Variants in LRRC36 observed in about 807,000 individuals in gnomAD.
LRRC36 encodes leucine rich repeat containing 36.
In LRRC36, 62 loss-of-function variants were observed where a neutral mutation model predicts 81.1. The observed-to-expected ratio is 0.76, with a 90% confidence interval of 0.62 to 0.94. The LOEUF is 0.94. Ranked by LOEUF, LRRC36 falls within the 40% of genes least tolerant of loss-of-function variation. The pLI, the probability that LRRC36 is intolerant of heterozygous loss-of-function variation, is 0.00. For missense variants in LRRC36, 761 were observed against 881.7 expected, an observed-to-expected ratio of 0.86 and a Z score of 1.73; for synonymous variants, 334 against 348.6, an observed-to-expected ratio of 0.96 and a Z score of 0.47.
At chr16:67,372,471 T>G (rs1430085908) in intron 9 of LRRC36, among the ~76,000 whole-genome samples, 1 of 152,250 alleles carries the variant, frequency 6.6e-6, no homozygotes, top group Non-Finnish European at 1.5e-5. Context: ...CATACATCCC[T>G]TGTGGAGAAT....
intron 5 of LRRC36, chr16:67,362,152 C>CGTTTT (rs775184001): frequency 1.3e-5 from 6 of 451,458 alleles, no homozygotes; most frequent in South Asian, 3.1e-5. Flanking sequence ...TGTTCTAATA[C>CGTTTT]GTTTTGTTTT....
chr16:67,338,332 G>T (rs942025494), intron 1 of LRRC36, among the ~76,000 whole-genome samples: 1 of 152,014 alleles, frequency 6.6e-6, no homozygotes, highest in Non-Finnish European at 1.5e-5. Flanking sequence ...TTAATGTTTT[G>T]TTTAAAAGAA....
Position 67,341,005 on chromosome 16 carries a change from ATG to A in LRRC36, c.71-950_71-949del, listed in dbSNP as rs200523500. Among the ~76,000 whole-genome samples, 18 of 92,970 alleles carry A rather than the reference ATG, an allele frequency of 1.9e-4. 3 individuals are homozygous for A. The highest frequency in any genetic ancestry group is 1.9e-3 in the African/African-American group (17 of 9,178). 61.0% of individuals were successfully genotyped at this position (92,970 alleles called of 152,430 possible). The stretch of plus-strand genomic sequence containing the variant: ...AGAATATGTATATTATATATAGAAT[ATG>A]TATTCTATAGAATATGTACTCTACA... On this transcript the variant is annotated intron_variant, in intron 1 of 13. Coordinates refer to ENST00000329956, the MANE Select transcript of LRRC36 (RefSeq NM_018296.6).
At chr16:67,333,512 C>T (rs2037600790) in intron 1 of LRRC36, among the ~76,000 whole-genome samples, 1 of 152,006 alleles carries the variant, frequency 6.6e-6, no homozygotes, top group Non-Finnish European at 1.5e-5. Context: ...ATATATAGTT[C>T]CAGAACATTT....
Position 67,347,540 on chromosome 16 carries a change from AT to A in LRRC36, c.441del (p.Phe147LeufsTer12). On this transcript the variant is annotated frameshift_variant, in exon 4 of 14. Coordinates refer to ENST00000329956, the MANE Select transcript of LRRC36 (RefSeq NM_018296.6). LOFTEE classifies it high-confidence loss of function. The part of the protein sequence containing the change: ...REGERKAAKL[H>X]FSQLGNSENF... ...GGTGAGAGAAAAGCTGCCAAGCTGCATTTTAGTCAGTTGGGCAACAGTGAAA... is the reference window on the plus strand; with the variant it reads ...GGTGAGAGAAAAGCTGCCAAGCTGCATTTAGTCAGTTGGGCAACAGTGAAA... The A allele has an allele frequency of 1.2e-6, 2 of 1,613,210 alleles. No homozygotes were observed. The highest frequency in any genetic ancestry group is 1.7e-6 in the Non-Finnish European group (2 of 1,179,274).
In LRRC36 at chr16:67,376,850, C is replaced by T. The variant is rs770307124; in HGVS notation, c.1784C>T (p.Ala595Val). Residue 595 changes from alanine (A) to valine (V), a missense_variant, in exon 11 of 14, where the codon GCG (alanine) becomes GTG (valine). This residue lies in a region of LRRC36 where 359 missense variants were observed against 388.4 expected (regional missense o/e 0.92). Transcript: ENST00000329956. ...AGGGAGCTTGAACTGAAGGAGGCTG[C>T]GCAGCTGGTCCCTAATGACATGGTA... ...CRRELELKEA[A>V]QLVPNDMESL... is the part of the protein sequence containing the mutation. 26 of 1,612,726 alleles carry T rather than the reference C, an allele frequency of 1.6e-5. No homozygotes were observed. Among genetic ancestry groups the T allele is most frequent in the African/African-American group, 2.7e-5 (2 of 74,906 alleles).
chr16:67,331,273 C>A (rs867001085), intron 1 of LRRC36, among the ~76,000 whole-genome samples: 21 of 152,194 alleles, frequency 1.4e-4, no homozygotes, highest in African/African-American at 4.3e-4. Context: ...CTGGGCATGG[C>A]GGCTTACACA....
chr16:67,374,088 C>T lies in LRRC36; in HGVS notation c.1495-1159C>T, dbSNP rs541508451. Among the ~76,000 whole-genome samples, 5 of 151,870 alleles carry T rather than the reference C, an allele frequency of 3.3e-5. No individual in the cohort carries two copies. The South Asian group carries it at 1.0e-3, about 32-fold the overall frequency. Reference sequence around the variant, plus strand: ...GTGCACACCTGTAGTTCCAGCTATTCGAGAAGCTGGGATAGGAGGATTGCT... The same window carrying T: ...GTGCACACCTGTAGTTCCAGCTATTTGAGAAGCTGGGATAGGAGGATTGCT... On this transcript the variant is annotated intron_variant, in intron 9 of 13. Coordinates refer to ENST00000329956, the MANE Select transcript of LRRC36 (RefSeq NM_018296.6).
At chr16:67,384,614 A>G (rs967839047) in intron 13 of LRRC36, among the ~76,000 whole-genome samples, 2 of 152,254 alleles carry the variant, frequency 1.3e-5, no homozygotes, top group African/African-American at 4.8e-5. Flanking sequence ...TGCTTTTGAA[A>G]GAACAGAACA....
chr16:67,378,676 A>G lies in LRRC36; in HGVS notation c.1894A>G (p.Ile632Val), dbSNP rs1220712563. 1.2e-6 allele frequency: 2 copies of G among 1,614,132 alleles called. No individual in the cohort carries two copies. The highest frequency in any genetic ancestry group is 2.7e-5 in the African/African-American group (2 of 75,070). ...TCAACAGTTGGAGGAAGGTGCTGCCATCTCAATTGTGAGTGGGCAACAGTC... is the reference window on the plus strand; with the variant it reads ...TCAACAGTTGGAGGAAGGTGCTGCCGTCTCAATTGTGAGTGGGCAACAGTC... ...KIQQLEEGAA[I>V]SIVSGQQSHT... Residue 632 changes from isoleucine (I) to valine (V), a missense_variant, in exon 12 of 14, where the codon ATC (isoleucine) becomes GTC (valine). Around this residue, in one of 3 missense-constraint regions of LRRC36, gnomAD observed 359 missense variants for 388.4 expected, o/e 0.92. Transcript: ENST00000329956.
intron 1 of LRRC36, among the ~76,000 whole-genome samples, chr16:67,341,178 C>G (rs1201324907): frequency 5.7e-5 from 7 of 123,834 alleles, no homozygotes; most frequent in South Asian, 2.6e-4. Context: ...AATATGTACT[C>G]TACATATTCT....
At chr16:67,335,889 C>T (rs919878045) in intron 1 of LRRC36, among the ~76,000 whole-genome samples, 6 of 152,082 alleles carry the variant, frequency 3.9e-5, no homozygotes, top group Non-Finnish European at 5.9e-5. Context: ...TGTGCCACTA[C>T]GCCCAGCTAA....
intron 4 of LRRC36, among the ~76,000 whole-genome samples, chr16:67,348,809 G>T (rs2038478548): frequency 6.6e-6 from 1 of 152,122 alleles, no homozygotes; most frequent in Non-Finnish European, 1.5e-5. Context: ...ACCGTGTCTG[G>T]AATACAGACG....
At position 67,341,947 on chromosome 16, in the gene LRRC36, C is replaced by G. The variant is rs750387001; in HGVS notation, c.71-10C>G. ...GGATCATAATATATCTACTGATGAT[C>G]TCTTTTCAGAACTGGTGGAGTCTCT... On this transcript the variant is annotated splice_polypyrimidine_tract_variant and intron_variant, in intron 1 of 13. Transcript: ENST00000329956. 1.6e-5 allele frequency: 25 copies of G among 1,602,606 alleles called. No individual in the cohort carries two copies. Among genetic ancestry groups the G allele is most frequent in the Middle Eastern group, 1.7e-4 (1 of 6,028 alleles).
chr16:67,381,060 C>T (rs772961516), intron 12 of LRRC36, among the ~76,000 whole-genome samples: 9 of 151,962 alleles, frequency 5.9e-5, no homozygotes, highest in African/African-American at 1.5e-4. Flanking sequence ...CCCATCTCTA[C>T]TAAAAATACA....
chr16:67,333,741 T>A (rs991154125), intron 1 of LRRC36, among the ~76,000 whole-genome samples: 2 of 152,172 alleles, frequency 1.3e-5, no homozygotes, highest in Non-Finnish European at 2.9e-5. Context: ...ATTCCTTTTT[T>A]AAAAAAATTA....
At chr16:67,356,544 C>CG (rs2038911223) in intron 5 of LRRC36, among the ~76,000 whole-genome samples, 2 of 152,138 alleles carry the variant, frequency 1.3e-5, no homozygotes, top group African/African-American at 2.4e-5. Flanking sequence ...CAAAGAAGTG[C>CG]ATATCTACTG....
chr16:67,359,820 G>A (rs550233237), intron 5 of LRRC36, among the ~76,000 whole-genome samples: 3 of 152,052 alleles, frequency 2.0e-5, no homozygotes, highest in Admixed American at 6.6e-5. Context: ...TAATGAGTTT[G>A]GTTAGAAAAT....
At chr16:67,333,510 T>G (rs1054296230) in intron 1 of LRRC36, among the ~76,000 whole-genome samples, 22 of 152,142 alleles carry the variant, frequency 1.4e-4, no homozygotes, top group African/African-American at 5.3e-4. Flanking sequence ...CTATATATAG[T>G]TCCAGAACAT....
Sources: gnomAD v4.1 joint callset for allele counts (sites outside exome capture counted in the v4.1 genomes callset) on GRCh38, gnomAD v4.1.1 for gene constraint, gnomAD v4.1.1 regional missense constraint, MANE v1.5 for transcripts, NCBI Gene and HGNC (gene_info 2026-07-23, HGNC 2026-07-21) for gene names.